The following CHRM3 variants were observed in gnomAD, a reference collection of about 807,000 sequenced individuals.
CHRM3 encodes the protein muscarinic acetylcholine receptor M3.
In CHRM3, 11 loss-of-function variants were observed where a neutral mutation model predicts 41.8. The observed-to-expected ratio is 0.26, with a 90% confidence interval of 0.17 to 0.44. The LOEUF is 0.44. CHRM3 is among the 20% of genes least tolerant of loss of function. The pLI, the probability that CHRM3 is intolerant of heterozygous loss-of-function variation, is 1.00. For missense variants in CHRM3, 571 were observed against 745.4 expected (o/e 0.77, Z 2.72); for synonymous variants, 297 against 301.4 (o/e 0.99, Z 0.15).
At chr1:239,904,188 A>T (rs1170892400) in intron 6 of CHRM3, among the ~76,000 whole-genome samples, 1 of 152,224 alleles carries the variant, frequency 6.6e-6, no homozygotes, top group Non-Finnish European at 1.5e-5. Flanking sequence ...TGTGTTCAGG[A>T]ATCTCAGGAG....
intron 5 of CHRM3, among the ~76,000 whole-genome samples, chr1:239,784,479 T>G (rs902843310): frequency 2.0e-5 from 3 of 152,210 alleles, no homozygotes; most frequent in African/African-American, 7.2e-5. Context: ...CCACGTTCAA[T>G]TAACACTATA....
chr1:239,506,524 G>A (rs137927982), intron 2 of CHRM3, among the ~76,000 whole-genome samples: 1 of 152,334 alleles, frequency 6.6e-6, no homozygotes, highest in African/African-American at 2.4e-5. Context: ...TTCAGAGAAT[G>A]TATGGAAATG....
chr1:239,402,300 G>A (rs530141100), intron 1 of CHRM3, among the ~76,000 whole-genome samples: 19 of 152,214 alleles, frequency 1.2e-4, no homozygotes, highest in Admixed American at 3.3e-4. Context: ...CTCTTTACGT[G>A]CAGCTTATAA....
chr1:239,638,821 G>A (rs1467941249), intron 4 of CHRM3, among the ~76,000 whole-genome samples: 2 of 152,112 alleles, frequency 1.3e-5, no homozygotes, highest in East Asian at 1.9e-4. Context: ...TGGTGTTTTA[G>A]ACATGAAGTC....
intron 5 of CHRM3, among the ~76,000 whole-genome samples, chr1:239,798,751 A>G (rs1257736729): frequency 6.6e-6 from 1 of 152,162 alleles, no homozygotes; most frequent in Non-Finnish European, 1.5e-5. Flanking sequence ...CAGGCCATCA[A>G]AGACTTCCTG....
chr1:239,773,105 CTACAACA>C (rs1465574305), intron 5 of CHRM3, among the ~76,000 whole-genome samples: 1 of 152,108 alleles, frequency 6.6e-6, no homozygotes, highest in Non-Finnish European at 1.5e-5. Context: ...TTGGGAAAGT[CTACAACA>C]TACACTCATA....
rs74597743 is a variant in CHRM3, at chr1:239,823,266, A to G, written c.-146-3986A>G. Reference sequence around the variant, plus strand: ...GGAAACTAGGCTCAGAGTCAATGACATAATCATATTCAACTGGGAATATTA... The same window carrying G: ...GGAAACTAGGCTCAGAGTCAATGACGTAATCATATTCAACTGGGAATATTA... On this transcript the variant is annotated intron_variant, in intron 5 of 6. Transcript: ENST00000676153. 2.4e-3 allele frequency among the ~76,000 whole-genome samples: 372 copies of G among 152,232 alleles called. 2 individuals are homozygous for G. The highest frequency in any genetic ancestry group is 8.4e-3 in the African/African-American group (351 of 41,578).
rs1481717897 is a variant in CHRM3 at position 239,913,653 on chromosome 1, C to A, written c.*4429C>A. 6.0e-6 allele frequency: 1 copy of A among 166,850 alleles called. No homozygotes were observed. Among genetic ancestry groups the A allele is most frequent in the African/African-American group, 2.4e-5 (1 of 41,382 alleles). The allele number at this position is 166,850 out of a possible 1,614,324, so 10.3% of individuals were successfully genotyped here. A position where few individuals can be genotyped will look rare whatever the true frequency, so the allele number is the denominator to read the frequency against. On this transcript the variant is annotated 3_prime_UTR_variant, in exon 7 of 7. Coordinates refer to ENST00000676153, the MANE Select transcript of CHRM3 (RefSeq NM_001375978.1). ...GGAGAATTCCATTTTCCTTTTCTGG[C>A]TTTAGTGTTAATGTCTGGGAAGGGA...
At chr1:239,445,430 T>G (rs749780323) in intron 1 of CHRM3, among the ~76,000 whole-genome samples, 3 of 152,280 alleles carry the variant, frequency 2.0e-5, no homozygotes, top group Non-Finnish European at 4.4e-5. Context: ...GAAAATGGAT[T>G]CACAGTAGGA....
intron 6 of CHRM3, among the ~76,000 whole-genome samples, chr1:239,900,276 G>A (rs970280282): frequency 1.1e-4 from 14 of 127,268 alleles, no homozygotes; most frequent in Non-Finnish European, 2.3e-4. Context: ...CTGACCTACA[G>A]TCTTGATTCT....
intron 6 of CHRM3, among the ~76,000 whole-genome samples, chr1:239,871,279 G>A (rs983297436): frequency 6.6e-6 from 1 of 152,140 alleles, no homozygotes; most frequent in African/African-American, 2.4e-5. Flanking sequence ...GTCTCGCTCT[G>A]TTGCGAGGCT....
intron 6 of CHRM3, among the ~76,000 whole-genome samples, chr1:239,875,595 G>A (rs1351484781): frequency 6.6e-6 from 1 of 152,180 alleles, no homozygotes; most frequent in Non-Finnish European, 1.5e-5. Flanking sequence ...CTGCTCCATG[G>A]AATCATGTCA....
intron 1 of CHRM3, among the ~76,000 whole-genome samples, chr1:239,398,737 G>T (rs1392435264): frequency 6.6e-6 from 1 of 152,086 alleles, no homozygotes; most frequent in Non-Finnish European, 1.5e-5. Flanking sequence ...TGCATTGGCT[G>T]CTAGGAAACT....
chr1:239,490,080 T>G (rs1462341523), intron 1 of CHRM3, among the ~76,000 whole-genome samples: 1 of 152,162 alleles, frequency 6.6e-6, no homozygotes, highest in African/African-American at 2.4e-5. Flanking sequence ...TTTGGAGGCT[T>G]AAGGACATAA....
intron 5 of CHRM3, among the ~76,000 whole-genome samples, chr1:239,684,206 G>GA (rs1444507536): frequency 6.6e-6 from 1 of 152,082 alleles, no homozygotes; most frequent in African/African-American, 2.4e-5. Flanking sequence ...TAATCTGCTT[G>GA]ACTAATTTGC....
chr1:239,787,011 C>T (rs2148834835), intron 5 of CHRM3, among the ~76,000 whole-genome samples: 1 of 152,108 alleles, frequency 6.6e-6, no homozygotes, highest in East Asian at 1.9e-4. Context: ...TCAGAGGGGC[C>T]AGACAAGAGT....
chr1:239,445,951 T>G (rs1664095217), intron 1 of CHRM3, among the ~76,000 whole-genome samples: 1 of 152,086 alleles, frequency 6.6e-6, no homozygotes, highest in Non-Finnish European at 1.5e-5. Context: ...ACTTTTTTTT[T>G]TTTTGAGACA....
chr1:239,619,733 T>C (rs957582715), intron 3 of CHRM3, among the ~76,000 whole-genome samples: 1 of 152,022 alleles, frequency 6.6e-6, no homozygotes, highest in African/African-American at 2.4e-5. Context: ...CATTATTTGG[T>C]CAAACTCCGT....
chr1:239,404,350 G>GAGAAAGAA lies in CHRM3; in HGVS notation c.-521+17177_-521+17184dup, dbSNP rs1178581793. On this transcript the variant is annotated intron_variant, in intron 1 of 6. Coordinates refer to ENST00000676153, the MANE Select transcript of CHRM3 (RefSeq NM_001375978.1). Reference sequence around the variant, plus strand: ...GAAGGAAGGAAGAAAGAAAGAGAAAGAGAAAGAAAGAAAGAAAGAAAGAAA... The same window carrying GAGAAAGAA: ...GAAGGAAGGAAGAAAGAAAGAGAAAGAGAAAGAAAGAAAGAAAGAAAGAAAGAAAGAAA... Among the ~76,000 whole-genome samples, 299 of 68,764 alleles carry GAGAAAGAA rather than the reference G, an allele frequency of 4.3e-3. 6 individuals are homozygous for GAGAAAGAA. Among genetic ancestry groups the GAGAAAGAA allele is most frequent in the East Asian group, 0.021 (52 of 2,440 alleles). The allele number at this position is 68,764 out of a possible 152,430, so 45.1% of individuals were successfully genotyped here. A position where few individuals can be genotyped will look rare whatever the true frequency, so the allele number is the denominator to read the frequency against.
Sources: allele counts gnomAD v4.1 joint callset (sites outside exome capture counted in the v4.1 genomes callset), GRCh38; gene constraint gnomAD v4.1.1; transcripts MANE v1.5; gene names NCBI Gene and HGNC (gene_info 2026-07-23, HGNC 2026-07-21).